MMP16: variants seen among roughly 807,000 people sequenced by gnomAD.
MMP16 encodes the protein matrix metallopeptidase 16.
In MMP16, 12 loss-of-function variants were observed where a neutral mutation model predicts 67.8. That is an observed-to-expected ratio of 0.18 (90% CI 0.11 to 0.29). MMP16 has a LOEUF of 0.29. Among genes scored for constraint, MMP16 ranks in the 10% least tolerant of loss-of-function variants. The pLI, the probability that MMP16 is intolerant of heterozygous loss-of-function variation, is 1.00. For synonymous variants in MMP16, 249 were observed against 255.9 expected (o/e 0.97, Z 0.26); for missense variants, 475 against 765.7 (o/e 0.62, Z 4.48).
intron 1 of MMP16, among the ~76,000 whole-genome samples, chr8:88,252,357 A>G (rs147958716): frequency 2.3e-3 from 345 of 152,174 alleles, no homozygotes; most frequent in African/African-American, 7.7e-3. Context: ...CATTATCTTA[A>G]TGGACAACTG....
chr8:88,098,382 G>C (rs920782948), intron 6 of MMP16, among the ~76,000 whole-genome samples: 1 of 151,984 alleles, frequency 6.6e-6, no homozygotes, highest in Non-Finnish European at 1.5e-5. Context: ...CAGCGTCTAG[G>C]TCTACTTATA....
intron 1 of MMP16, among the ~76,000 whole-genome samples, chr8:88,312,138 G>T (rs941647645): frequency 6.6e-6 from 1 of 152,120 alleles, no homozygotes; most frequent in African/African-American, 2.4e-5. Flanking sequence ...ATAAGCAGAC[G>T]ATGGGAATAC....
intron 6 of MMP16, among the ~76,000 whole-genome samples, chr8:88,115,663 T>G (rs1398795009): frequency 6.6e-6 from 1 of 152,086 alleles, no homozygotes; most frequent in East Asian, 1.9e-4. Context: ...CCACCAAAAC[T>G]GACAGCACAT....
At chr8:88,127,902 A>C (rs1807961208) in intron 4 of MMP16, among the ~76,000 whole-genome samples, 1 of 151,804 alleles carries the variant, frequency 6.6e-6, no homozygotes, top group Non-Finnish European at 1.5e-5. Context: ...AGCTTACCCT[A>C]CAAGAAAACT....
At chr8:88,088,185 G>T (rs1157871734) in intron 6 of MMP16, among the ~76,000 whole-genome samples, 6 of 146,614 alleles carry the variant, frequency 4.1e-5, no homozygotes, top group Admixed American at 3.4e-4. Flanking sequence ...CTGTATTCCT[G>T]ACCCACAAAA....
chr8:88,150,568 A>T (rs1808387019), intron 4 of MMP16, among the ~76,000 whole-genome samples: 1 of 60,490 alleles, frequency 1.7e-5, no homozygotes, highest in African/African-American at 7.1e-5. Flanking sequence ...CAACATTCTT[A>T]AAGAAAAGAA....
intron 4 of MMP16, among the ~76,000 whole-genome samples, chr8:88,148,466 G>A (rs1423266562): frequency 6.6e-6 from 1 of 152,118 alleles, no homozygotes; most frequent in African/African-American, 2.4e-5. Flanking sequence ...TCCTCTAGAG[G>A]ATACATATTT....
chr8:88,145,690 C>T (rs1996637), intron 4 of MMP16, among the ~76,000 whole-genome samples: 94,556 of 151,722 alleles, frequency 0.62, 30,400 homozygotes, highest in African/African-American at 0.78. Context: ...CTCATTAGCA[C>T]GTCACTAACT....
intron 4 of MMP16, among the ~76,000 whole-genome samples, chr8:88,128,642 A>C (rs907846051): frequency 9.2e-5 from 14 of 151,822 alleles, no homozygotes; most frequent in African/African-American, 2.9e-4. Flanking sequence ...AGCAAGATAG[A>C]GTCCTCATCT....
intron 1 of MMP16, among the ~76,000 whole-genome samples, chr8:88,211,385 C>A (rs888338184): frequency 6.6e-6 from 1 of 152,022 alleles, no homozygotes; most frequent in East Asian, 1.9e-4. Flanking sequence ...GATTTGGGGG[C>A]AGAATGCTAG....
At chr8:88,156,847 G>T (rs944839125) in intron 4 of MMP16, among the ~76,000 whole-genome samples, 1 of 152,126 alleles carries the variant, frequency 6.6e-6, no homozygotes, top group East Asian at 1.9e-4. Flanking sequence ...TTTCTACAGA[G>T]ACTATGTAAG....
chr8:88,187,282 G>A (rs1400055687), intron 2 of MMP16, among the ~76,000 whole-genome samples: 1 of 152,126 alleles, frequency 6.6e-6, no homozygotes, highest in Non-Finnish European at 1.5e-5. Context: ...AAAAGGAAAT[G>A]CTGCTTTTAA....
At chr8:88,113,342 C>T (rs1809372667) in intron 6 of MMP16, among the ~76,000 whole-genome samples, 1 of 151,686 alleles carries the variant, frequency 6.6e-6, no homozygotes, top group African/African-American at 2.4e-5. Context: ...AAGCTACCCC[C>T]AGACATTAAA....
chr8:88,199,231 G>A (rs540269360), intron 1 of MMP16, among the ~76,000 whole-genome samples: 3 of 151,968 alleles, frequency 2.0e-5, no homozygotes, highest in Non-Finnish European at 2.9e-5. Context: ...ACAGATAGAG[G>A]AACTATAAAA....
At chr8:88,307,924 C>A (rs553719303) in intron 1 of MMP16, among the ~76,000 whole-genome samples, 1 of 151,988 alleles carries the variant, frequency 6.6e-6, no homozygotes, top group East Asian at 1.9e-4. Context: ...ATCAGAAGAT[C>A]CTATTCTAAA....
At chr8:88,288,098 C>G (rs1249862381) in intron 1 of MMP16, among the ~76,000 whole-genome samples, 3 of 152,158 alleles carry the variant, frequency 2.0e-5, no homozygotes, top group Admixed American at 1.3e-4. Flanking sequence ...TAACTCAAAG[C>G]CTCATTTACT....
At chr8:88,195,068 C>T (rs1160310326) in intron 2 of MMP16, among the ~76,000 whole-genome samples, 1 of 152,118 alleles carries the variant, frequency 6.6e-6, no homozygotes, top group Non-Finnish European at 1.5e-5. Context: ...TATTCCTCCA[C>T]ATTTTTTACA....
Position 88,307,117 on chromosome 8 carries a change from T to C in MMP16, c.132+19958A>G, listed in dbSNP as rs535912676. ...AATCAATGTGCAAAAATTGCTAGCA[T>C]TCCCATATGCCAACAGGCAAGCAGA... On this transcript the variant is annotated intron_variant, in intron 1 of 9. Transcript: ENST00000286614. Among the ~76,000 whole-genome samples, 4 of 152,294 alleles carry C rather than the reference T, an allele frequency of 2.6e-5. No homozygotes were observed. The East Asian group carries it at 7.7e-4, about 29-fold the overall frequency.
At chr8:88,069,726 T>C (rs1318721415) in intron 7 of MMP16, among the ~76,000 whole-genome samples, 1 of 152,144 alleles carries the variant, frequency 6.6e-6, no homozygotes, top group African/African-American at 2.4e-5. Flanking sequence ...AGGGAACAAG[T>C]TCAGATGACT....
Sources: gnomAD v4.1 joint callset for allele counts (sites outside exome capture counted in the v4.1 genomes callset) on GRCh38, gnomAD v4.1.1 for gene constraint, MANE v1.5 for transcripts, NCBI Gene and HGNC (gene_info 2026-07-23, HGNC 2026-07-21) for gene names.